PLEKHG7: variants seen among roughly 807,000 people sequenced by gnomAD.
The protein encoded by PLEKHG7 is pleckstrin homology domain-containing family G member 7.
In PLEKHG7, 77 loss-of-function variants were observed where a neutral mutation model predicts 85.2. The observed-to-expected ratio is 0.90, with a 90% CI of 0.75 to 1.09. The LOEUF (loss-of-function observed/expected upper bound fraction) is 1.09, where lower values mean the gene tolerates loss of function less well. Ranked by LOEUF, PLEKHG7 falls within the 50% of genes least tolerant of loss-of-function variation. The probability of loss-of-function intolerance (pLI) is 0.00; values close to 1 mark genes in which losing one functional copy is unlikely to be tolerated. For synonymous variants in PLEKHG7, 301 were observed against 302.4 expected (o/e 1.00, Z 0.05); for missense variants, 777 against 804.3 (o/e 0.97, Z 0.41).
Position 92,754,358 on chromosome 12 carries a change from T to A in PLEKHG7, c.1426+94T>A, listed in dbSNP as rs1872770066. The A allele has an allele frequency of 2.1e-5, 26 of 1,213,520 alleles. No homozygotes were observed. The South Asian group carries it at 3.6e-4, about 17-fold the overall frequency. The allele number at this position is 1,213,520 out of a possible 1,614,324, so 75.2% of individuals were successfully genotyped here. A position where few individuals can be genotyped will look rare whatever the true frequency, so the allele number is the denominator to read the frequency against. The stretch of plus-strand genomic sequence containing the variant: ...CTTCCATCCTAGGAGGTAATTCCAC[T>A]GATTTGAGGTCATGGCTCTTGGAAA... On this transcript the variant is annotated intron_variant, in intron 11 of 16. Coordinates refer to ENST00000344636, the MANE Select transcript of PLEKHG7 (RefSeq NM_001377329.1).
chr12:92,766,319 C>A (rs113568224), intron 15 of PLEKHG7, among the ~76,000 whole-genome samples: 3,064 of 152,148 alleles, frequency 0.02, 111 homozygotes, highest in African/African-American at 0.069. Context: ...TACAGTTATA[C>A]GCTATATAGT....
chr12:92,722,320 T>C (rs1221054492), intron 3 of PLEKHG7, among the ~76,000 whole-genome samples: 1 of 152,174 alleles, frequency 6.6e-6, no homozygotes, highest in Admixed American at 6.5e-5. Flanking sequence ...TCCATGTCTC[T>C]TCATGTTACT....
In PLEKHG7 at chr12:92,751,500, G is replaced by A. The variant is rs187164735; in HGVS notation, c.1252-2590G>A. Among the ~76,000 whole-genome samples, 15 of 152,078 alleles carry A rather than the reference G, an allele frequency of 9.9e-5. No homozygotes were observed. The East Asian group carries it at 1.9e-3, about 20-fold the overall frequency. ...CCCACCTCAGCTTCCTGCGTAGCTG[G>A]GATTACAGGCGTGCGCCACCATGCC... On this transcript the variant is annotated intron_variant, in intron 10 of 16. Coordinates refer to ENST00000344636, the MANE Select transcript of PLEKHG7 (RefSeq NM_001377329.1).
Position 92,706,529 on chromosome 12 carries a change from A to G in PLEKHG7, c.-103A>G, listed in dbSNP as rs1265170467. The G allele has an allele frequency of 5.8e-6, 8 of 1,380,354 alleles. No individual in the cohort carries two copies. Among genetic ancestry groups the G allele is most frequent in the Non-Finnish European group, 7.8e-6 (8 of 1,026,616 alleles). The allele number at this position is 1,380,354 out of a possible 1,614,324, so 85.5% of individuals were successfully genotyped here. A position where few individuals can be genotyped will look rare whatever the true frequency, so the allele number is the denominator to read the frequency against. On this transcript the variant is annotated 5_prime_UTR_variant, in exon 2 of 17. The change abolishes an upstream ATG in the 5' untranslated region. Transcript: ENST00000344636. Reference sequence around the variant, plus strand: ...AAGGAAAAGAACTACGAGAGGAAGCATGGCACTTGGATGCAGAAATTGAGC... The same window carrying G: ...AAGGAAAAGAACTACGAGAGGAAGCGTGGCACTTGGATGCAGAAATTGAGC...
rs925420827 is a variant in PLEKHG7 at position 92,718,897 on chromosome 12, T to C, written c.531-10096T>C. Reference sequence around the variant, plus strand: ...ACCCCACAGCCACAGTACATGGCATTTCTCACACATGATGAGACTCTTAAG... The same window carrying C: ...ACCCCACAGCCACAGTACATGGCATCTCTCACACATGATGAGACTCTTAAG... On this transcript the variant is annotated intron_variant, in intron 3 of 16. Transcript: ENST00000344636. 2.0e-5 allele frequency among the ~76,000 whole-genome samples: 3 copies of C among 152,324 alleles called. No homozygotes were observed. The East Asian group carries it at 5.8e-4, about 29-fold the overall frequency.
chr12:92,736,630 G>A, intron 6 of PLEKHG7, 53 bp downstream of exon 6: 1 of 1,100,700 alleles, frequency 9.1e-7, no homozygotes. Context: ...TCGTTTTTTG[G>A]TGGGGTGGGG....
intron 15 of PLEKHG7, among the ~76,000 whole-genome samples, chr12:92,768,779 G>C (rs1873299042): frequency 6.6e-6 from 1 of 152,048 alleles, no homozygotes; most frequent in African/African-American, 2.4e-5. Flanking sequence ...TTTTATAGTA[G>C]AGTAGGCTTT....
At chr12:92,709,926 T>A (rs1486234608) in intron 3 of PLEKHG7, among the ~76,000 whole-genome samples, 1 of 152,174 alleles carries the variant, frequency 6.6e-6, no homozygotes, top group African/African-American at 2.4e-5. Flanking sequence ...GGTGGGCACC[T>A]ATAACTCCCT....
chr12:92,737,102 A>G (rs776336810), intron 6 of PLEKHG7, among the ~76,000 whole-genome samples: 7 of 152,166 alleles, frequency 4.6e-5, no homozygotes, highest in Admixed American at 6.5e-5. Context: ...AACATCATCA[A>G]TCTGAATTGA....
chr12:92,762,286 A>T (rs1456347067), intron 14 of PLEKHG7, among the ~76,000 whole-genome samples: 1 of 152,144 alleles, frequency 6.6e-6, no homozygotes, highest in Non-Finnish European at 1.5e-5. Flanking sequence ...TTCAACACTC[A>T]TTCTGATTTG....
intron 13 of PLEKHG7, 48 bp downstream of exon 13, chr12:92,756,439 A>C (rs1169691963): frequency 7.0e-7 from 1 of 1,418,868 alleles, no homozygotes; most frequent in Non-Finnish European, 1.0e-6. Context: ...GCCGCCTTGT[A>C]ACTTGTTTGA....
intron 13 of PLEKHG7, among the ~76,000 whole-genome samples, chr12:92,758,750 G>T (rs1476924445): frequency 6.6e-6 from 1 of 152,204 alleles, no homozygotes. Flanking sequence ...CAGAGATGGA[G>T]ACTCCATATG....
rs1007866283 is a variant in PLEKHG7 at position 92,703,036 on chromosome 12, G to C, written c.-258G>C. 1 of 152,192 alleles carries C rather than the reference G, an allele frequency of 6.6e-6. No homozygotes were observed. The highest frequency in any genetic ancestry group is 1.5e-5 in the Non-Finnish European group (1 of 68,052). 9.4% of individuals were successfully genotyped at this position (152,192 alleles called of 1,614,324 possible). On this transcript the variant is annotated 5_prime_UTR_variant, in exon 1 of 17. Transcript: ENST00000344636. The stretch of plus-strand genomic sequence containing the variant: ...TTACAGGTGTGGAACTTGTTGCTCC[G>C]AGCCCTCGCCTGGCAGCTCACTCTG...
chr12:92,756,490 T>C, intron 13 of PLEKHG7, 99 bp downstream of exon 13: 4 of 924,094 alleles, frequency 4.3e-6, no homozygotes, highest in South Asian at 1.4e-5. Flanking sequence ...TGTTTGCCTA[T>C]GTTCCAGGTG....
intron 4 of PLEKHG7, 140 bp from the exon 5 acceptor site, chr12:92,732,093 T>A (rs913438812): frequency 2.3e-6 from 1 of 438,470 alleles, no homozygotes; most frequent in African/African-American, 2.0e-5. Flanking sequence ...ATTTTGTGCA[T>A]TCTCAAGAGA....
chr12:92,768,587 G>A (rs915310938), intron 15 of PLEKHG7, among the ~76,000 whole-genome samples: 1 of 152,104 alleles, frequency 6.6e-6, no homozygotes, highest in Non-Finnish European at 1.5e-5. Flanking sequence ...ATTTTTTAAA[G>A]GAGTGGTGAA....
Position 92,722,648 on chromosome 12 carries a change from G to A in PLEKHG7, c.531-6345G>A, listed in dbSNP as rs1871680411. On this transcript the variant is annotated intron_variant, in intron 3 of 16. Coordinates refer to ENST00000344636, the MANE Select transcript of PLEKHG7 (RefSeq NM_001377329.1). ...ATGCATGATGTCAGAAGGTATCCCA[G>A]ATGAGCAAAATGGATGTGGGTAACG... 2.0e-5 allele frequency among the ~76,000 whole-genome samples: 3 copies of A among 152,198 alleles called. No homozygotes were observed. In the South Asian group the frequency reaches 6.2e-4, roughly 32 times the overall value.
At chr12:92,729,252 A>G (rs1871911381) in intron 4 of PLEKHG7, 132 bp downstream of exon 4, 2 of 1,103,784 alleles carry the variant, frequency 1.8e-6, no homozygotes, top group Admixed American at 8.6e-5. Flanking sequence ...AGCCTCACCA[A>G]TTACAACGGG....
intron 13 of PLEKHG7, 85 bp from the exon 14 acceptor site, chr12:92,761,654 GAAAGAAAGAAAGA>G (rs1873025611): frequency 1.7e-6 from 2 of 1,198,184 alleles, no homozygotes; most frequent in Admixed American, 4.2e-5. Flanking sequence ...AAGAAAGAAA[GAAAGAAAGAAAGA>G]AAGAAAGAAA....
Sources: gnomAD v4.1 joint callset for allele counts (sites outside exome capture counted in the v4.1 genomes callset) on GRCh38, gnomAD v4.1.1 for gene constraint, MANE v1.5 for transcripts, NCBI Gene and HGNC (gene_info 2026-07-23, HGNC 2026-07-21) for gene names.